Variants in DLGAP2 observed in about 807,000 individuals in gnomAD.
The protein encoded by DLGAP2 is DLG associated protein 2.
Under a neutral mutation model 100.3 loss-of-function variants are expected in DLGAP2, and 26 were observed. The ratio of observed to expected loss-of-function variants is 0.26; its 90% confidence interval spans 0.19 to 0.36. The LOEUF is 0.36. Among genes scored for constraint, DLGAP2 ranks in the 10% least tolerant of loss-of-function variants. DLGAP2 has a pLI of 1.00. For missense variants in DLGAP2, 1,858 were observed against 1,453.2 expected, an observed-to-expected ratio of 1.28 and a Z score of -4.53; for synonymous variants, 886 against 630.1, an observed-to-expected ratio of 1.41 and a Z score of -6.08.
At chr8:864,699 G>A (rs1043056296) in intron 1 of DLGAP2, among the ~76,000 whole-genome samples, 47 of 152,186 alleles carry the variant, frequency 3.1e-4, no homozygotes, top group African/African-American at 1.1e-3. Flanking sequence ...TTTTGCCGTT[G>A]CACAATGCTG....
chr8:1,424,345 A>G (rs963465054), intron 3 of DLGAP2, among the ~76,000 whole-genome samples: 3 of 152,374 alleles, frequency 2.0e-5, no homozygotes, highest in Middle Eastern at 3.4e-3. Flanking sequence ...ACTATGAGCC[A>G]AGCCCCTTGT....
intron 2 of DLGAP2, among the ~76,000 whole-genome samples, chr8:1,153,902 C>G (rs1796737045): frequency 6.6e-6 from 1 of 152,170 alleles, no homozygotes; most frequent in South Asian, 2.1e-4. Context: ...TTCAAGTGCA[C>G]TGGACCCCAG....
intron 2 of DLGAP2, among the ~76,000 whole-genome samples, chr8:987,113 G>A (rs1314606818): frequency 1.3e-5 from 2 of 152,036 alleles, no homozygotes; most frequent in Admixed American, 1.3e-4. Context: ...ACTTCTTTGG[G>A]CATTTCGGTT....
At chr8:1,626,681 ACC>A in intron 6 of DLGAP2, 57 bp from the exon 7 acceptor site, 1 of 1,549,342 alleles carries the variant, frequency 6.5e-7, no homozygotes, top group Non-Finnish European at 8.7e-7. Flanking sequence ...GGTCATTCCC[ACC>A]TCTGCCCTGC....
chr8:790,765 A>G (rs1325073561), intron 1 of DLGAP2, among the ~76,000 whole-genome samples: 4 of 152,006 alleles, frequency 2.6e-5, no homozygotes, highest in African/African-American at 9.7e-5. Context: ...TGTGTTTTTG[A>G]AACAGGGTTT....
chr8:1,553,484 G>GTTCACAGGTAGCAGCCCCGTTGTGCTT (rs1271828229), intron 5 of DLGAP2, among the ~76,000 whole-genome samples: 1 of 152,252 alleles, frequency 6.6e-6, no homozygotes, highest in Non-Finnish European at 1.5e-5. Context: ...CGTTGTGCTT[G>GTTCACAGGTAGCAGCCCCGTTGTGCTT]GCGTGTTCAC....
chr8:950,872 C>T lies in DLGAP2; in HGVS notation c.73+42906C>T, dbSNP rs188430853. On this transcript the variant is annotated intron_variant, in intron 2 of 14. Coordinates refer to ENST00000637795, the MANE Select transcript of DLGAP2 (RefSeq NM_001346810.2). The stretch of plus-strand genomic sequence containing the variant: ...ATTTCCTGACCTTGTGGTCCACCCG[C>T]CTCAACTTCCCAAAGCGCTGGGATT... Among the ~76,000 whole-genome samples, 264 of 152,158 alleles carry T rather than the reference C, an allele frequency of 1.7e-3. 1 individual carries two copies. The highest frequency in any genetic ancestry group is 4.8e-3 in the South Asian group (23 of 4,820).
chr8:1,440,013 G>C (rs1797782156), intron 3 of DLGAP2, among the ~76,000 whole-genome samples: 1 of 152,208 alleles, frequency 6.6e-6, no homozygotes, highest in Non-Finnish European at 1.5e-5. Flanking sequence ...GTAAGTGATA[G>C]AGTGAGGATG....
chr8:1,613,552 AAAAGAAAAG>A (rs1797051522), intron 6 of DLGAP2, among the ~76,000 whole-genome samples: 1 of 151,438 alleles, frequency 6.6e-6, no homozygotes, highest in Admixed American at 6.6e-5. Context: ...TAAAAAAAAA[AAAAGAAAAG>A]AAAAGAAAAT....
intron 3 of DLGAP2, among the ~76,000 whole-genome samples, chr8:1,453,332 T>A (rs1469272714): frequency 6.6e-6 from 1 of 152,134 alleles, no homozygotes; most frequent in African/African-American, 2.4e-5. Flanking sequence ...AAAGTATTTT[T>A]CCTTCATCAT....
intron 1 of DLGAP2, among the ~76,000 whole-genome samples, chr8:756,715 C>G (rs1228921121): frequency 6.6e-6 from 1 of 152,066 alleles, no homozygotes; most frequent in Non-Finnish European, 1.5e-5. Context: ...TTCCCCTGAG[C>G]GCTGTCTCCC....
At chr8:1,173,389 G>C (rs1369034327) in intron 2 of DLGAP2, among the ~76,000 whole-genome samples, 1 of 152,170 alleles carries the variant, frequency 6.6e-6, no homozygotes, top group Non-Finnish European at 1.5e-5. Flanking sequence ...CTGTGTGCTA[G>C]GAGAACCACT....
At chr8:905,034 G>A (rs931690667) in intron 1 of DLGAP2, among the ~76,000 whole-genome samples, 6 of 152,326 alleles carry the variant, frequency 3.9e-5, no homozygotes, top group Admixed American at 6.5e-5. Flanking sequence ...TCCTGCCTGT[G>A]ACTGTGGCGG....
At chr8:1,449,663 C>A (rs961800220) in intron 3 of DLGAP2, among the ~76,000 whole-genome samples, 1 of 152,194 alleles carries the variant, frequency 6.6e-6, no homozygotes, top group Non-Finnish European at 1.5e-5. Context: ...TTGGAAAGGT[C>A]AAGGCTTCAG....
chr8:1,390,430 A>G (rs569624102), intron 3 of DLGAP2, among the ~76,000 whole-genome samples: 1 of 152,318 alleles, frequency 6.6e-6, no homozygotes, highest in East Asian at 1.9e-4. Context: ...AATGAAACAG[A>G]TGGCCATGAA....
chr8:1,106,493 G>A lies in DLGAP2; in HGVS notation c.74-152358G>A, dbSNP rs576313898. 2.0e-4 allele frequency among the ~76,000 whole-genome samples: 30 copies of A among 150,782 alleles called. No homozygotes were observed. In the South Asian group the frequency reaches 3.0e-3, roughly 15 times the overall value. On this transcript the variant is annotated intron_variant, in intron 2 of 14. Transcript: ENST00000637795. ...CTATTGAAGGGAGCCATTCTAGGAC[G>A]GTTTTCTACTGAAGGAGGCCATTCT...
chr8:1,050,459 C>A (rs952800650), intron 2 of DLGAP2, among the ~76,000 whole-genome samples: 1 of 152,140 alleles, frequency 6.6e-6, no homozygotes, highest in African/African-American at 2.4e-5. Context: ...TCACGCTGGG[C>A]AAAGCTGAGC....
intron 3 of DLGAP2, among the ~76,000 whole-genome samples, chr8:1,491,341 G>GGGCCGCTCCCCCTGACCCCA (rs1799379398): frequency 2.0e-5 from 3 of 147,760 alleles, no homozygotes; most frequent in Non-Finnish European, 3.0e-5. Context: ...TCCTGACCCC[G>GGGCCGCTCCCCCTGACCCCA]GAGGCTTCGG....
intron 3 of DLGAP2, among the ~76,000 whole-genome samples, chr8:1,270,524 C>A (rs1239675361): frequency 6.6e-6 from 1 of 152,194 alleles, no homozygotes; most frequent in Non-Finnish European, 1.5e-5. Context: ...CTAAGCCCAG[C>A]GGACAGAGTC....
Sources: gnomAD v4.1 joint callset for allele counts (sites outside exome capture counted in the v4.1 genomes callset) on GRCh38, gnomAD v4.1.1 for gene constraint, MANE v1.5 for transcripts, NCBI Gene and HGNC (gene_info 2026-07-23, HGNC 2026-07-21) for gene names.